Variants in ZNF28 observed in about 807,000 individuals in gnomAD.
ZNF28 encodes the protein zinc finger protein KOX24.
ZNF28 carries 5 observed loss-of-function variants against 7.2 expected under a neutral mutation model. The observed-to-expected ratio is 0.70, with a 90% CI of 0.36 to 1.46. The LOEUF (loss-of-function observed/expected upper bound fraction) is 1.46. Ranked by LOEUF, ZNF28 falls within the 40% of genes most tolerant of loss-of-function variation. The pLI is 0.03. For missense variants in ZNF28, 879 were observed against 866.6 expected, an observed-to-expected ratio of 1.01 and a Z score of -0.18; for synonymous variants, 288 against 292.4, an observed-to-expected ratio of 0.99 and a Z score of 0.15.
intron 2 of ZNF28, among the ~76,000 whole-genome samples, chr19:52,811,015 G>A (rs943628867): frequency 1.4e-5 from 2 of 142,276 alleles, no homozygotes; most frequent in East Asian, 2.3e-4. Flanking sequence ...TCAGCCTGCC[G>A]AGTGCCTGCG....
chr19:52,808,675 C>A (rs1390182853), intron 2 of ZNF28, among the ~76,000 whole-genome samples: 1 of 149,672 alleles, frequency 6.7e-6, no homozygotes, highest in Non-Finnish European at 1.5e-5. Context: ...TTAGCTGGAC[C>A]TGGTGGCAGG....
At position 52,799,932 on chromosome 19, in the gene ZNF28, T is replaced by C. The variant is rs760162706; in HGVS notation, c.1913A>G (p.Asn638Ser). ...LHTGEKPYKCNECGKTFSQMS... is the reference protein window; with the variant it reads ...LHTGEKPYKCSECGKTFSQMS... ...CTGACTGAAGGTCTTGCCACACTCA[T>C]TACACTTGTAAGGTTTCTCTCCAGT... The change falls in exon 4 of 4, where the codon AAT becomes AGT. Residue 638 changes from asparagine (N) to serine (S), a missense_variant. Physicochemically the swap from Asn to Ser is conservative, Grantham distance 46. Around this residue, in one of 2 missense-constraint regions of ZNF28, gnomAD observed 864 missense variants for 830.2 expected, o/e 1.04. Transcript: ENST00000457749. 1.7e-5 allele frequency: 27 copies of C among 1,613,898 alleles called. 1 individual carries two copies. The South Asian group carries it at 2.6e-4, about 16-fold the overall frequency.
intron 2 of ZNF28, chr19:52,810,141 C>T (rs1427719693): frequency 5.6e-6 from 5 of 897,684 alleles, no homozygotes; most frequent in Non-Finnish European, 9.4e-6. Flanking sequence ...CGAGGGTGAC[C>T]CGGGGCTGGA....
chr19:52,800,744 C>T lies in ZNF28; in HGVS notation c.1101G>A (p.Leu367=), dbSNP rs763589305. 7 of 1,607,496 alleles carry T rather than the reference C, an allele frequency of 4.4e-6. No individual in the cohort carries two copies. The African/African-American group carries it at 6.9e-5, about 16-fold the overall frequency. Residue 367 remains leucine (L), a synonymous_variant, in exon 4 of 4, where the codon CTG becomes CTA. Transcript: ENST00000457749. ...GCCTACGATGGCGTGCAAGGGTTGA[C>T]AGTCGATTAAAAACCTTGCCACATT... ...CNECGKVFNR[L]STLARHRRLH...
chr19:52,814,066 C>T (rs1315614240), intron 2 of ZNF28, among the ~76,000 whole-genome samples: 2 of 146,260 alleles, frequency 1.4e-5, no homozygotes, highest in East Asian at 4.0e-4. Flanking sequence ...TACAGAATTT[C>T]TTCTAAAGCC....
intron 2 of ZNF28, among the ~76,000 whole-genome samples, chr19:52,816,551 C>T (rs1240444494): frequency 6.9e-6 from 1 of 145,114 alleles, no homozygotes; most frequent in Non-Finnish European, 1.5e-5. Flanking sequence ...GTAGTCCCAG[C>T]TACTTGGGAG....
intron 2 of ZNF28, among the ~76,000 whole-genome samples, chr19:52,808,414 A>G (rs143021660): frequency 3.0e-4 from 45 of 152,308 alleles, no homozygotes; most frequent in African/African-American, 1.0e-3. Context: ...TAGACACACC[A>G]AGTGACATTC....
At position 52,798,725 on chromosome 19, in the gene ZNF28, A is replaced by G; in HGVS notation, c.*963T>C. 1.2e-5 allele frequency: 6 copies of G among 492,636 alleles called. No homozygotes were observed. The highest frequency in any genetic ancestry group is 1.0e-4 in the South Asian group (6 of 59,738). The allele number at this position is 492,636 out of a possible 1,614,324, so 30.5% of individuals were successfully genotyped here. ...AGCATGAGTTCGATGATGAATAGCA[A>G]TATATGAACGATATCTGAAAAATCT... On this transcript the variant is annotated 3_prime_UTR_variant, in exon 4 of 4. Transcript: ENST00000457749.
chr19:52,818,821 T>A (rs1419433955), intron 1 of ZNF28, among the ~76,000 whole-genome samples: 1 of 145,312 alleles, frequency 6.9e-6, no homozygotes, highest in African/African-American at 2.7e-5. Flanking sequence ...AGATACAGGT[T>A]GCAGTGAGCC....
In ZNF28 at chr19:52,807,919, T is replaced by TG. The variant is rs2062956534; in HGVS notation, c.142+87_142+88insC. ...ATTTCAAAATCAATACGGCTTCCAT[T>TG]TTAGTCAAGTAAGGATGTGGCTCCC... On this transcript the variant is annotated intron_variant, in intron 3 of 3. Transcript: ENST00000457749. 4 of 1,584,790 alleles carry TG rather than the reference T, an allele frequency of 2.5e-6. No homozygotes were observed. In the African/African-American group the frequency reaches 4.1e-5, roughly 16 times the overall value.
chr19:52,811,555 G>T (rs1207080467), intron 2 of ZNF28, among the ~76,000 whole-genome samples: 1 of 149,060 alleles, frequency 6.7e-6, no homozygotes, highest in Non-Finnish European at 1.5e-5. Flanking sequence ...CCCTGTCTGG[G>T]ATGTGAGGAG....
rs756168377 is a variant in ZNF28, at chr19:52,800,712, G to C, written c.1133C>G (p.Thr378Ser). Residue 378 changes from threonine (T) to serine (S), a missense_variant, in exon 4 of 4, where the codon ACT becomes AGT. Thr to Ser is a moderately conservative substitution (Grantham distance 58). This residue lies in a region of ZNF28 where 864 missense variants were observed against 830.2 expected (regional missense o/e 1.04). Coordinates refer to ENST00000457749, the MANE Select transcript of ZNF28 (RefSeq NM_006969.5). ...STLARHRRLH[T>S]GEKPYECEEC... is the part of the protein sequence containing the mutation. Reference sequence around the variant, plus strand: ...TTCACATTCATAAGGTTTCTCTCCAGTATGAAGCCTACGATGGCGTGCAAG... The same window carrying C: ...TTCACATTCATAAGGTTTCTCTCCACTATGAAGCCTACGATGGCGTGCAAG... 1.9e-6 allele frequency: 3 copies of C among 1,613,546 alleles called. No homozygotes were observed. In the African/African-American group the frequency reaches 4.0e-5, roughly 22 times the overall value.
At chr19:52,814,245 C>A (rs1044472287) in intron 2 of ZNF28, 1 of 145,776 alleles carries the variant, frequency 6.9e-6, no homozygotes, top group Admixed American at 6.9e-5. Flanking sequence ...GCGTTACCAC[C>A]AAACAAATAT....
At chr19:52,810,669 G>GGGCC (rs2063009244) in intron 2 of ZNF28, 1 of 987,292 alleles carries the variant, frequency 1.0e-6, no homozygotes, top group Non-Finnish European at 1.6e-6. Context: ...GCGTCTACAG[G>GGGCC]GGCCGGGCTA....
At chr19:52,804,476 T>C (rs1313504296) in intron 3 of ZNF28, among the ~76,000 whole-genome samples, 1 of 152,132 alleles carries the variant, frequency 6.6e-6, no homozygotes, top group Non-Finnish European at 1.5e-5. Flanking sequence ...GTTCCAGTGA[T>C]TCTCCTGCCT....
At chr19:52,821,468 C>G (rs1164747128) in intron 1 of ZNF28, 118 bp downstream of exon 1, 3 of 152,260 alleles carry the variant, frequency 2.0e-5, no homozygotes, top group African/African-American at 4.8e-5. Flanking sequence ...TCTCCATTTG[C>G]TCTGAGTGAA....
chr19:52,802,861 C>G (rs1325286578), intron 3 of ZNF28, among the ~76,000 whole-genome samples: 1 of 149,096 alleles, frequency 6.7e-6, no homozygotes, highest in African/African-American at 2.5e-5. Flanking sequence ...CCCGGGTTCA[C>G]GCCATTCTCC....
Position 52,799,223 on chromosome 19 carries a change from A to T in ZNF28, c.*465T>A, listed in dbSNP as rs1268640038. The stretch of plus-strand genomic sequence containing the variant: ...CAATACGAATTGCCTTTTGAATTAC[A>T]AGGTATGAATTTTGACCAAAGGTGT... On this transcript the variant is annotated 3_prime_UTR_variant, in exon 4 of 4. Coordinates refer to ENST00000457749, the MANE Select transcript of ZNF28 (RefSeq NM_006969.5). 1.0e-5 allele frequency: 4 copies of T among 397,250 alleles called. No individual in the cohort carries two copies. In the Admixed American group the frequency reaches 1.6e-4, roughly 16 times the overall value. The allele number at this position is 397,250 out of a possible 1,614,324, so 24.6% of individuals were successfully genotyped here.
chr19:52,819,522 G>A (rs570563691), intron 1 of ZNF28, among the ~76,000 whole-genome samples: 1 of 76,212 alleles, frequency 1.3e-5, no homozygotes, highest in South Asian at 3.1e-4. Context: ...CATTTCAGTG[G>A]CCAGGGTCAC....
Sources: allele counts gnomAD v4.1 joint callset (sites outside exome capture counted in the v4.1 genomes callset), GRCh38; gene constraint gnomAD v4.1.1; regional missense constraint gnomAD v4.1.1; transcripts MANE v1.5; gene names NCBI Gene and HGNC (gene_info 2026-07-23, HGNC 2026-07-21).